The following UBAC2 variants were observed in gnomAD, a reference collection of about 807,000 sequenced individuals.
UBAC2 encodes the protein UBA domain containing 2.
Under a neutral mutation model 44.0 loss-of-function variants are expected in UBAC2, and 26 were observed. That is an observed-to-expected ratio of 0.59 (90% CI 0.43 to 0.82). The LOEUF (loss-of-function observed/expected upper bound fraction) is 0.82, where lower values mean the gene tolerates loss of function less well. Among genes scored for constraint, UBAC2 ranks in the 40% least tolerant of loss-of-function variants. The probability of loss-of-function intolerance (pLI) is 0.00; values close to 1 mark genes in which losing one functional copy is unlikely to be tolerated. For synonymous variants in UBAC2, 155 were observed against 154.3 expected (o/e 1.00, Z -0.04); for missense variants, 329 against 419.4 (o/e 0.78, Z 1.88).
At chr13:99,357,482 C>A (rs977049276) in intron 7 of UBAC2, among the ~76,000 whole-genome samples, 1 of 152,236 alleles carries the variant, frequency 6.6e-6, no homozygotes, top group Non-Finnish European at 1.5e-5. Context: ...GTGTCACAGC[C>A]TCCTTATCTG....
chr13:99,320,992 G>A (rs1462038627), intron 6 of UBAC2, among the ~76,000 whole-genome samples: 1 of 152,180 alleles, frequency 6.6e-6, no homozygotes, highest in Non-Finnish European at 1.5e-5. Flanking sequence ...GAAATGCACA[G>A]ATAATTATAA....
intron 4 of UBAC2, among the ~76,000 whole-genome samples, chr13:99,287,627 T>TC (rs2044034758): frequency 6.9e-6 from 1 of 145,120 alleles, no homozygotes; most frequent in Non-Finnish European, 1.5e-5. Flanking sequence ...CTTTCTTTCT[T>TC]CTTTTTTTTT....
intron 2 of UBAC2, among the ~76,000 whole-genome samples, chr13:99,240,634 GTGTAC>G (rs1454219886): frequency 2.0e-5 from 3 of 151,932 alleles, no homozygotes; most frequent in African/African-American, 7.3e-5. Context: ...ATGTGCTCTC[GTGTAC>G]TGCCTCATTG....
chr13:99,244,032 T>TG, intron 3 of UBAC2, 81 bp downstream of exon 3: 1 of 1,171,810 alleles, frequency 8.5e-7, no homozygotes. Context: ...TTGTTAAACT[T>TG]GGTGTTGTTA....
At chr13:99,376,063 C>T (rs2045476710) in intron 8 of UBAC2, among the ~76,000 whole-genome samples, 1 of 151,258 alleles carries the variant, frequency 6.6e-6, no homozygotes, top group Non-Finnish European at 1.5e-5. Flanking sequence ...GCACACACAT[C>T]CCAATCATAG....
At chr13:99,306,063 CT>C in intron 4 of UBAC2, among the ~76,000 whole-genome samples, 1 of 151,994 alleles carries the variant, frequency 6.6e-6, no homozygotes, top group African/African-American at 2.4e-5. Context: ...GCCTGGCTAA[CT>C]TTTATATTTT....
chr13:99,200,964 G>C (rs2042787314), intron 1 of UBAC2, 25 bp downstream of exon 1: 2 of 1,304,660 alleles, frequency 1.5e-6, no homozygotes, highest in South Asian at 6.1e-5. Context: ...CCGCCATCCT[G>C]GCTGCCCCCT....
intron 1 of UBAC2, among the ~76,000 whole-genome samples, chr13:99,207,557 G>C (rs2042887187): frequency 6.6e-6 from 1 of 152,126 alleles, no homozygotes; most frequent in African/African-American, 2.4e-5. Context: ...CCTGTTCTGG[G>C]CTCATTGTGG....
At chr13:99,280,625 A>G (rs979426868) in intron 4 of UBAC2, among the ~76,000 whole-genome samples, 1 of 152,188 alleles carries the variant, frequency 6.6e-6, no homozygotes, top group African/African-American at 2.4e-5. Flanking sequence ...CTTTTGAAAG[A>G]GCAGGATCTT....
At chr13:99,217,891 C>T (rs1368541937) in intron 1 of UBAC2, among the ~76,000 whole-genome samples, 1 of 152,172 alleles carries the variant, frequency 6.6e-6, no homozygotes, top group African/African-American at 2.4e-5. Flanking sequence ...CATCGACTCC[C>T]CCATTTCACT....
intron 4 of UBAC2, among the ~76,000 whole-genome samples, chr13:99,290,070 A>G (rs957666263): frequency 1.3e-5 from 2 of 151,576 alleles, no homozygotes; most frequent in Non-Finnish European, 2.9e-5. Context: ...AAGAGTGCAG[A>G]CCATGGAGCC....
chr13:99,360,909 G>A (rs972676257), intron 7 of UBAC2, among the ~76,000 whole-genome samples: 3 of 152,228 alleles, frequency 2.0e-5, no homozygotes, highest in Non-Finnish European at 2.9e-5. Context: ...GGATGAGACC[G>A]CGTGCCTGGC....
intron 1 of UBAC2, among the ~76,000 whole-genome samples, chr13:99,215,191 T>C (rs1001150979): frequency 6.6e-6 from 1 of 152,214 alleles, no homozygotes; most frequent in Non-Finnish European, 1.5e-5. Flanking sequence ...CACTTAAATA[T>C]GGTTAAGACT....
chr13:99,215,810 G>A (rs2042987178), intron 1 of UBAC2: 1 of 661,530 alleles, frequency 1.5e-6, no homozygotes, highest in Non-Finnish European at 2.6e-6. Context: ...AATCAGACCC[G>A]TGGTGAGATC....
intron 1 of UBAC2, among the ~76,000 whole-genome samples, chr13:99,212,594 C>T (rs970474737): frequency 9.2e-5 from 14 of 152,110 alleles, no homozygotes; most frequent in Admixed American, 3.9e-4. Flanking sequence ...CCTTTGCAGC[C>T]GTACAACAGA....
chr13:99,203,096 G>A (rs1251640933), intron 1 of UBAC2, among the ~76,000 whole-genome samples: 1 of 151,638 alleles, frequency 6.6e-6, no homozygotes, highest in Non-Finnish European at 1.5e-5. Context: ...GGAGTGCAGT[G>A]GTGGATCTCC....
intron 4 of UBAC2, among the ~76,000 whole-genome samples, chr13:99,304,949 A>G (rs2044310082): frequency 6.6e-6 from 1 of 152,222 alleles, no homozygotes; most frequent in Non-Finnish European, 1.5e-5. Context: ...AAGAGAGACT[A>G]GGAGAACTGG....
At chr13:99,235,729 C>A (rs1230949389) in intron 1 of UBAC2, among the ~76,000 whole-genome samples, 1 of 152,138 alleles carries the variant, frequency 6.6e-6, no homozygotes, top group Non-Finnish European at 1.5e-5. Flanking sequence ...CATCCTAACC[C>A]TTTGGGAGGC....
chr13:99,273,393 C>T (rs1052086857), intron 4 of UBAC2, among the ~76,000 whole-genome samples: 1 of 152,152 alleles, frequency 6.6e-6, no homozygotes, highest in Non-Finnish European at 1.5e-5. Flanking sequence ...TTGTGATCCA[C>T]TCCTGTTTGG....
Sources: gnomAD v4.1 joint callset for allele counts (sites outside exome capture counted in the v4.1 genomes callset) on GRCh38, gnomAD v4.1.1 for gene constraint, MANE v1.5 for transcripts, NCBI Gene and HGNC (gene_info 2026-07-23, HGNC 2026-07-21) for gene names.